The following TTLL5 variants were observed in gnomAD, a reference collection of about 807,000 sequenced individuals.
The protein encoded by TTLL5 is tubulin polyglutamylase TTLL5.
Under a neutral mutation model 168.4 loss-of-function variants are expected in TTLL5, and 132 were observed. The ratio of observed to expected loss-of-function variants is 0.78; its 90% CI spans 0.68 to 0.91. The LOEUF (loss-of-function observed/expected upper bound fraction) is 0.91, where lower values mean the gene tolerates loss of function less well. TTLL5 is among the 40% of genes least tolerant of loss of function. The probability of loss-of-function intolerance (pLI) is 0.00; values close to 1 mark genes in which losing one functional copy is unlikely to be tolerated. For missense variants in TTLL5, 1,545 were observed against 1,581.5 expected, an observed-to-expected ratio of 0.98 and a Z score of 0.39; for synonymous variants, 546 against 558.6, an observed-to-expected ratio of 0.98 and a Z score of 0.32.
chr14:75,887,604 G>C (rs941270472), intron 30 of TTLL5, among the ~76,000 whole-genome samples: 3 of 152,156 alleles, frequency 2.0e-5, no homozygotes, highest in African/African-American at 7.2e-5. Flanking sequence ...GTACAACAAG[G>C]TACGCAGGTG....
chr14:75,817,785 A>G (rs936092455), intron 27 of TTLL5, among the ~76,000 whole-genome samples: 3 of 139,078 alleles, frequency 2.2e-5, no homozygotes, highest in African/African-American at 8.2e-5. Context: ...GGTGCATCTT[A>G]CTTTGAAATG....
chr14:75,859,097 G>A (rs924439182), intron 28 of TTLL5, among the ~76,000 whole-genome samples: 6 of 152,186 alleles, frequency 3.9e-5, no homozygotes, highest in African/African-American at 7.2e-5. Context: ...AAGATGGACC[G>A]TGGAATCACC....
At chr14:75,925,799 G>A (rs922489828) in intron 31 of TTLL5, among the ~76,000 whole-genome samples, 1 of 152,038 alleles carries the variant, frequency 6.6e-6, no homozygotes, top group Non-Finnish European at 1.5e-5. Flanking sequence ...CTGCAATCCC[G>A]GCACCTCGGG....
chr14:75,698,952 T>C (rs537097937), intron 6 of TTLL5, among the ~76,000 whole-genome samples: 53 of 152,054 alleles, frequency 3.5e-4, no homozygotes, highest in Middle Eastern at 3.4e-3. Context: ...TGGAAGAAAT[T>C]ACTATGGGAG....
intron 18 of TTLL5, among the ~76,000 whole-genome samples, chr14:75,755,678 C>G (rs150331305): frequency 6.6e-6 from 1 of 152,170 alleles, no homozygotes; most frequent in African/African-American, 2.4e-5. Context: ...GGCACACACA[C>G]GGAAACATGC....
intron 28 of TTLL5, among the ~76,000 whole-genome samples, chr14:75,856,501 A>T (rs1261897573): frequency 6.6e-6 from 1 of 152,074 alleles, no homozygotes; most frequent in Admixed American, 6.6e-5. Flanking sequence ...CTTTGTACTT[A>T]TGTAGGTTTT....
chr14:75,740,947 C>A (rs915185386), intron 15 of TTLL5, among the ~76,000 whole-genome samples: 45 of 152,270 alleles, frequency 3.0e-4, no homozygotes, highest in African/African-American at 1.0e-3. Context: ...TCAATTATGA[C>A]ATAGTCTTAG....
chr14:75,801,303 T>C (rs928083459), intron 27 of TTLL5, among the ~76,000 whole-genome samples: 4 of 152,012 alleles, frequency 2.6e-5, no homozygotes, highest in African/African-American at 9.7e-5. Flanking sequence ...ACCAGGGAAG[T>C]AGGGGAAAGC....
At chr14:75,941,598 T>C (rs1262367315) in intron 31 of TTLL5, 1 of 152,224 alleles carries the variant, frequency 6.6e-6, no homozygotes, top group African/African-American at 2.4e-5. Flanking sequence ...TGGTTATATG[T>C]TCATAACATT....
At chr14:75,864,306 A>G (rs536527949) in intron 29 of TTLL5, among the ~76,000 whole-genome samples, 1 of 152,334 alleles carries the variant, frequency 6.6e-6, no homozygotes, top group African/African-American at 2.4e-5. Flanking sequence ...TTTTCAAGGA[A>G]TAAATAAGTT....
intron 20 of TTLL5, among the ~76,000 whole-genome samples, chr14:75,770,179 GAAAAAAAAA>G (rs56876692): frequency 4.7e-5 from 4 of 85,006 alleles, no homozygotes; most frequent in East Asian, 3.5e-4. Flanking sequence ...ACTCTGTCTC[GAAAAAAAAA>G]AAAAAAAAAA....
At chr14:75,782,678 C>A in intron 25 of TTLL5, 105 bp downstream of exon 25, 1 of 902,110 alleles carries the variant, frequency 1.1e-6, no homozygotes, top group Non-Finnish European at 1.6e-6. Context: ...GAACATTACC[C>A]CAAAGAAATA....
chr14:75,797,487 G>A (rs373596428), intron 27 of TTLL5, among the ~76,000 whole-genome samples: 1 of 152,056 alleles, frequency 6.6e-6, no homozygotes, highest in South Asian at 2.1e-4. Flanking sequence ...TTCTTGTCTT[G>A]TTCCAGTTTT....
In TTLL5 at chr14:75,779,445, A is replaced by T. The variant is rs560425859; in HGVS notation, c.2388-130A>T. On this transcript the variant is annotated intron_variant, in intron 23 of 31. Transcript: ENST00000298832. ...TTATATTTTATTTTAACCACCTATT[A>T]ATAGGGAATTTTCAGCTTGTGCTTT... is the stretch of plus-strand genomic sequence containing the variant. 8.2e-5 allele frequency: 105 copies of T among 1,287,550 alleles called. No homozygotes were observed. In the South Asian group the frequency reaches 1.3e-3, roughly 16 times the overall value. The allele number at this position is 1,287,550 out of a possible 1,614,324, so 79.8% of individuals were successfully genotyped here.
intron 31 of TTLL5, among the ~76,000 whole-genome samples, chr14:75,903,858 G>A (rs1437402148): frequency 6.7e-6 from 1 of 149,568 alleles, no homozygotes; most frequent in Non-Finnish European, 1.5e-5. Context: ...TCCTGCCACT[G>A]TACTCTGGCC....
Position 75,745,344 on chromosome 14 carries a change from C to T in TTLL5, c.1395+136C>T, listed in dbSNP as rs1384254808. Reference sequence around the variant, plus strand: ...AGATTCAAGATTGGAGAAATGTTTTCTCAGGGAAGAACATTTTAAATGGAA... The same window carrying T: ...AGATTCAAGATTGGAGAAATGTTTTTTCAGGGAAGAACATTTTAAATGGAA... On this transcript the variant is annotated intron_variant, in intron 16 of 31. Coordinates refer to ENST00000298832, the MANE Select transcript of TTLL5 (RefSeq NM_015072.5). 6.7e-6 allele frequency: 8 copies of T among 1,193,644 alleles called. No homozygotes were observed. The East Asian group carries it at 7.5e-5, about 11-fold the overall frequency. 73.9% of individuals were successfully genotyped at this position (1,193,644 alleles called of 1,614,324 possible).
At chr14:75,918,153 T>C (rs2033686167) in intron 31 of TTLL5, among the ~76,000 whole-genome samples, 1 of 152,154 alleles carries the variant, frequency 6.6e-6, no homozygotes, top group Admixed American at 6.5e-5. Flanking sequence ...TGTCCCCCTT[T>C]CAAAAACACT....
In TTLL5 at chr14:75,756,006, G is replaced by A. The variant is rs1246262574; in HGVS notation, c.1550+3051G>A. ...CCACCGCCCCCCACCCCCACCCAGA[G>A]TGAAGTATTGGTACTTACTAAAAGC... On this transcript the variant is annotated intron_variant, in intron 18 of 31. Coordinates refer to ENST00000298832, the MANE Select transcript of TTLL5 (RefSeq NM_015072.5). Among the ~76,000 whole-genome samples the A allele has an allele frequency of 9.4e-5, 4 of 42,416 alleles. No individual in the cohort carries two copies. The Admixed American group carries it at 1.5e-3, about 16-fold the overall frequency. The allele number at this position is 42,416 out of a possible 152,430, so 27.8% of individuals were successfully genotyped here. A position where few individuals can be genotyped will look rare whatever the true frequency, so the allele number is the denominator to read the frequency against.
intron 13 of TTLL5, 78 bp from the exon 14 acceptor site, chr14:75,733,911 A>G (rs1888718410): frequency 3.6e-6 from 5 of 1,390,992 alleles, no homozygotes; most frequent in Non-Finnish European, 5.1e-6. Flanking sequence ...ACTTTGCTAT[A>G]TTGGGACCCA....
Sources: gnomAD v4.1 joint callset for allele counts (sites outside exome capture counted in the v4.1 genomes callset) on GRCh38, gnomAD v4.1.1 for gene constraint, MANE v1.5 for transcripts, NCBI Gene and HGNC (gene_info 2026-07-23, HGNC 2026-07-21) for gene names.